The following WWOX variants were observed in gnomAD, a reference collection of about 807,000 sequenced individuals.
WWOX encodes WW domain containing oxidoreductase, also known as WW domain-containing oxidoreductase.
In WWOX, 69 loss-of-function variants were observed where a neutral mutation model predicts 46.2. That is an observed-to-expected ratio of 1.49 (90% CI 1.23 to 1.82). WWOX has a LOEUF of 1.82. WWOX is among the 40% of genes most tolerant of loss of function. The pLI, the probability that WWOX is intolerant of heterozygous loss-of-function variation, is 0.00. For synonymous variants in WWOX, 359 were observed against 202.6 expected (o/e 1.77, Z -6.56); for missense variants, 919 against 542.6 (o/e 1.69, Z -6.89).
intron 8 of WWOX, among the ~76,000 whole-genome samples, chr16:79,202,092 C>T (rs1471409393): frequency 6.6e-6 from 1 of 152,126 alleles, no homozygotes; most frequent in Admixed American, 6.5e-5. Flanking sequence ...GGAATACAGA[C>T]ACGTTCATTT....
chr16:78,617,145 C>T (rs946448718), intron 8 of WWOX, among the ~76,000 whole-genome samples: 1 of 152,140 alleles, frequency 6.6e-6, no homozygotes, highest in African/African-American at 2.4e-5. Context: ...GTTGTGGTGG[C>T]TCACGCCTGT....
chr16:78,426,479 T>G (rs1400984645), intron 7 of WWOX, among the ~76,000 whole-genome samples: 1 of 152,208 alleles, frequency 6.6e-6, no homozygotes, highest in African/African-American at 2.4e-5. Context: ...CATGCCTACT[T>G]CAGAGATCCA....
At chr16:79,001,507 T>C (rs2047091761) in intron 8 of WWOX, among the ~76,000 whole-genome samples, 1 of 152,138 alleles carries the variant, frequency 6.6e-6, no homozygotes, top group African/African-American at 2.4e-5. Context: ...TAATACCCAG[T>C]AGAGAAATTA....
intron 8 of WWOX, among the ~76,000 whole-genome samples, chr16:78,537,537 T>A (rs2043788561): frequency 6.6e-6 from 1 of 152,326 alleles, no homozygotes; most frequent in Non-Finnish European, 1.5e-5. Flanking sequence ...TTGTGTCTTA[T>A]AATCCGATTG....
At chr16:78,683,998 C>G (rs553240381) in intron 8 of WWOX, among the ~76,000 whole-genome samples, 1 of 152,296 alleles carries the variant, frequency 6.6e-6, no homozygotes, top group African/African-American at 2.4e-5. Flanking sequence ...GTGGCGTTCT[C>G]TTTTTCTGAC....
At chr16:78,425,981 G>C (rs1426543463) in intron 7 of WWOX, among the ~76,000 whole-genome samples, 3 of 152,108 alleles carry the variant, frequency 2.0e-5, no homozygotes, top group Non-Finnish European at 4.4e-5. Context: ...TTGGAAGAGA[G>C]AGACCAGCCA....
At chr16:79,006,656 C>T (rs189578860) in intron 8 of WWOX, among the ~76,000 whole-genome samples, 1 of 152,180 alleles carries the variant, frequency 6.6e-6, no homozygotes, top group African/African-American at 2.4e-5. Context: ...GAGTCCAACA[C>T]AGGTCTCACT....
intron 8 of WWOX, among the ~76,000 whole-genome samples, chr16:78,445,002 G>A (rs904756156): frequency 1.3e-5 from 2 of 151,468 alleles, no homozygotes; most frequent in Non-Finnish European, 2.9e-5. Context: ...TGTGTGTTTC[G>A]GATCCCAGGT....
chr16:78,856,289 G>A (rs938677324), intron 8 of WWOX, among the ~76,000 whole-genome samples: 1 of 152,182 alleles, frequency 6.6e-6, no homozygotes, highest in East Asian at 1.9e-4. Context: ...GCAAGTAGGG[G>A]CACCGAAAGC....
intron 8 of WWOX, among the ~76,000 whole-genome samples, chr16:78,782,345 T>G (rs1003356331): frequency 2.0e-5 from 3 of 152,196 alleles, no homozygotes; most frequent in Admixed American, 6.5e-5. Context: ...TTCCTACTTT[T>G]CTTTGGCCAC....
At chr16:78,364,653 G>C (rs929801710) in intron 5 of WWOX, among the ~76,000 whole-genome samples, 6 of 51,418 alleles carry the variant, frequency 1.2e-4, no homozygotes, top group Non-Finnish European at 2.1e-4. Context: ...CTGTTTGTGG[G>C]TGCTCTTTCT....
At chr16:78,758,156 A>G (rs2049702224) in intron 8 of WWOX, among the ~76,000 whole-genome samples, 1 of 152,220 alleles carries the variant, frequency 6.6e-6, no homozygotes, top group South Asian at 2.1e-4. Flanking sequence ...GAAATGTTCT[A>G]TTTCCATCGT....
At chr16:78,815,876 G>T (rs953799256) in intron 8 of WWOX, among the ~76,000 whole-genome samples, 5 of 152,096 alleles carry the variant, frequency 3.3e-5, no homozygotes, top group Admixed American at 2.0e-4. Context: ...AAACTTGAGA[G>T]TGACTTCCAA....
At chr16:78,812,542 C>T (rs1455250810) in intron 8 of WWOX, among the ~76,000 whole-genome samples, 3 of 151,582 alleles carry the variant, frequency 2.0e-5, no homozygotes, top group Non-Finnish European at 4.4e-5. Flanking sequence ...GCCAACATGG[C>T]GAAACTCCTT....
chr16:78,372,540 TCTG>T (rs1273362940), intron 5 of WWOX, among the ~76,000 whole-genome samples: 1 of 152,150 alleles, frequency 6.6e-6, no homozygotes, highest in Non-Finnish European at 1.5e-5. Context: ...AGGTCTGAAA[TCTG>T]CTCTCTGGAG....
At chr16:78,318,823 C>A (rs945785705) in intron 5 of WWOX, among the ~76,000 whole-genome samples, 1 of 152,158 alleles carries the variant, frequency 6.6e-6, no homozygotes, top group African/African-American at 2.4e-5. Flanking sequence ...AAGCATGACT[C>A]CTTATATAAC....
At chr16:78,652,291 C>A (rs1235679527) in intron 8 of WWOX, among the ~76,000 whole-genome samples, 1 of 151,800 alleles carries the variant, frequency 6.6e-6, no homozygotes, top group African/African-American at 2.4e-5. Context: ...CACCTGTAAT[C>A]CCAGCTACTC....
intron 8 of WWOX, among the ~76,000 whole-genome samples, chr16:79,087,141 G>T (rs1244080159): frequency 1.3e-5 from 2 of 152,218 alleles, no homozygotes; most frequent in African/African-American, 4.8e-5. Context: ...CAAGTGGCAT[G>T]ATGAGGAGAG....
chr16:79,016,398 A>C (rs1245821379), intron 8 of WWOX: 1 of 151,040 alleles, frequency 6.6e-6, no homozygotes, highest in Non-Finnish European at 1.5e-5. Flanking sequence ...ACGAGCAGCA[A>C]CTCCTGTTTC....
Sources: gnomAD v4.1 joint callset for allele counts (sites outside exome capture counted in the v4.1 genomes callset) on GRCh38, gnomAD v4.1.1 for gene constraint, MANE v1.5 for transcripts, NCBI Gene and HGNC (gene_info 2026-07-23, HGNC 2026-07-21) for gene names.